The following CNTNAP5 variants were observed in gnomAD, a reference collection of about 807,000 sequenced individuals.
The protein encoded by CNTNAP5 is contactin-associated protein-like 5.
A neutral mutation model predicts 150.2 loss-of-function variants in CNTNAP5; 72 were observed. That is an observed-to-expected ratio of 0.48 (90% CI 0.40 to 0.58). The LOEUF (loss-of-function observed/expected upper bound fraction) is 0.58. Among genes scored for constraint, CNTNAP5 ranks in the 20% least tolerant of loss-of-function variants. The probability of loss-of-function intolerance (pLI) is 0.00; values close to 1 mark genes in which losing one functional copy is unlikely to be tolerated. For missense variants in CNTNAP5, 1,636 were observed against 1,626.2 expected, an observed-to-expected ratio of 1.01 and a Z score of -0.10; for synonymous variants, 672 against 619.8, an observed-to-expected ratio of 1.08 and a Z score of -1.25.
chr2:124,763,802 G>A lies in CNTNAP5; in HGVS notation c.2362+3G>A, dbSNP rs1681009971. On this transcript the variant is annotated splice_donor_region_variant and intron_variant, in intron 15 of 23. Coordinates refer to ENST00000682447, the MANE Select transcript of CNTNAP5 (RefSeq NM_001367498.1). The stretch of plus-strand genomic sequence containing the variant: ...TCCCTTGCGTTGCTATGGTGACCGT[G>A]AGTACAAAATCGAAAGAAGCTTTCT... 5 of 1,612,752 alleles carry A rather than the reference G, an allele frequency of 3.1e-6. No individual in the cohort carries two copies. The highest frequency in any genetic ancestry group is 1.3e-5 in the African/African-American group (1 of 74,860).
chr2:124,388,000 G>T (rs1690974204), intron 3 of CNTNAP5, among the ~76,000 whole-genome samples: 1 of 151,942 alleles, frequency 6.6e-6, no homozygotes, highest in Non-Finnish European at 1.5e-5. Flanking sequence ...CATTCTAAAG[G>T]GGTGACATTT....
At chr2:124,193,952 GT>G (rs1293074173) in intron 1 of CNTNAP5, among the ~76,000 whole-genome samples, 1 of 152,094 alleles carries the variant, frequency 6.6e-6, no homozygotes. Flanking sequence ...GCAGGACCGG[GT>G]GTGAGCTGGT....
intron 1 of CNTNAP5, among the ~76,000 whole-genome samples, chr2:124,098,869 G>T (rs1014538231): frequency 4.6e-5 from 7 of 152,136 alleles, no homozygotes; most frequent in African/African-American, 1.7e-4. Context: ...TCACCTACAT[G>T]AGGAAATTGA....
chr2:124,692,035 G>T (rs1339608496), intron 13 of CNTNAP5, among the ~76,000 whole-genome samples: 1 of 152,040 alleles, frequency 6.6e-6, no homozygotes, highest in African/African-American at 2.4e-5. Flanking sequence ...ATGTAAAGAA[G>T]CACGAATTAG....
At chr2:124,310,914 T>C (rs1688812998) in intron 3 of CNTNAP5, among the ~76,000 whole-genome samples, 1 of 152,136 alleles carries the variant, frequency 6.6e-6, no homozygotes, top group Admixed American at 6.6e-5. Flanking sequence ...TGCCTAACCA[T>C]GCTGAGTTTA....
chr2:124,126,786 T>C (rs780822699), intron 1 of CNTNAP5, among the ~76,000 whole-genome samples: 1 of 152,174 alleles, frequency 6.6e-6, no homozygotes, highest in Non-Finnish European at 1.5e-5. Flanking sequence ...ATCCATCATA[T>C]AAACAGAACC....
chr2:124,531,341 C>CTGCT (rs573618323), intron 10 of CNTNAP5, among the ~76,000 whole-genome samples: 237 of 152,268 alleles, frequency 1.6e-3, no homozygotes, highest in African/African-American at 5.6e-3. Context: ...CACTCACCTC[C>CTGCT]TGCTGTTGGT....
intron 1 of CNTNAP5, among the ~76,000 whole-genome samples, chr2:124,031,786 A>G (rs1681059008): frequency 6.6e-6 from 1 of 152,184 alleles, no homozygotes; most frequent in South Asian, 2.1e-4. Flanking sequence ...AAGGATCAGT[A>G]TAAAAAGGAG....
chr2:124,311,699 T>C (rs1042138854), intron 3 of CNTNAP5, among the ~76,000 whole-genome samples: 1 of 152,110 alleles, frequency 6.6e-6, no homozygotes, highest in Non-Finnish European at 1.5e-5. Context: ...AATGCTCCCA[T>C]AGGAGGAAGT....
At chr2:124,865,633 C>A (rs1677615791) in intron 20 of CNTNAP5, among the ~76,000 whole-genome samples, 197 bp downstream of exon 20, 1 of 152,196 alleles carries the variant, frequency 6.6e-6, no homozygotes, top group Admixed American at 6.5e-5. Context: ...ATCAGCATCA[C>A]TTGGGACCCT....
In CNTNAP5 at chr2:124,552,834, T is replaced by C. The variant is rs140487518; in HGVS notation, c.1650-10383T>C. ...CCACTGTTAACAGTTTTCCAGTCCA[T>C]TGAAGGACTTTCCAATCTCTTTACG... On this transcript the variant is annotated intron_variant, in intron 10 of 23. Transcript: ENST00000682447. Among the ~76,000 whole-genome samples the C allele has an allele frequency of 4.6e-3, 708 of 152,298 alleles. 4 individuals carry two copies. Among genetic ancestry groups the C allele is most frequent in the African/African-American group, 0.016 (676 of 41,584 alleles).
intron 6 of CNTNAP5, among the ~76,000 whole-genome samples, chr2:124,449,147 C>T (rs1227017075): frequency 1.3e-5 from 2 of 152,104 alleles, no homozygotes; most frequent in African/African-American, 4.8e-5. Context: ...TAAAATATGC[C>T]ATTCATTAAC....
intron 13 of CNTNAP5, among the ~76,000 whole-genome samples, chr2:124,663,890 G>T (rs970549300): frequency 6.6e-6 from 1 of 152,168 alleles, no homozygotes; most frequent in African/African-American, 2.4e-5. Flanking sequence ...GGAGCTCAGA[G>T]TTGGCAATTT....
chr2:124,028,054 AT>A (rs750881282), intron 1 of CNTNAP5, among the ~76,000 whole-genome samples: 1 of 152,140 alleles, frequency 6.6e-6, no homozygotes, highest in African/African-American at 2.4e-5. Flanking sequence ...AACATTAGCA[AT>A]TTATTTTCAA....
At chr2:124,111,009 T>A (rs1683285087) in intron 1 of CNTNAP5, among the ~76,000 whole-genome samples, 1 of 152,134 alleles carries the variant, frequency 6.6e-6, no homozygotes, top group African/African-American at 2.4e-5. Context: ...ATGAATGGAC[T>A]GAAAAATGAG....
At chr2:124,219,960 C>T (rs1438323875) in intron 1 of CNTNAP5, among the ~76,000 whole-genome samples, 1 of 151,860 alleles carries the variant, frequency 6.6e-6, no homozygotes, top group African/African-American at 2.4e-5. Context: ...TTGTCAAATA[C>T]CTCAAAATAT....
At chr2:124,791,297 C>T (rs1681723519) in intron 18 of CNTNAP5, among the ~76,000 whole-genome samples, 1 of 152,162 alleles carries the variant, frequency 6.6e-6, no homozygotes, top group African/African-American at 2.4e-5. Context: ...ACTTATTATT[C>T]CTGAAGAGCA....
At chr2:124,599,686 T>A (rs1045914356) in intron 11 of CNTNAP5, among the ~76,000 whole-genome samples, 5 of 152,190 alleles carry the variant, frequency 3.3e-5, no homozygotes, top group African/African-American at 1.2e-4. Flanking sequence ...AACCATTTAC[T>A]CTCACAATAT....
At chr2:124,232,362 G>T (rs1038092013) in intron 2 of CNTNAP5, among the ~76,000 whole-genome samples, 1 of 152,238 alleles carries the variant, frequency 6.6e-6, no homozygotes, top group East Asian at 1.9e-4. Context: ...GTCTAACTGG[G>T]AATAGTTAGA....
Sources: allele counts gnomAD v4.1 joint callset (sites outside exome capture counted in the v4.1 genomes callset), GRCh38; gene constraint gnomAD v4.1.1; transcripts MANE v1.5; gene names NCBI Gene and HGNC (gene_info 2026-07-23, HGNC 2026-07-21).